AK9: variants seen among roughly 807,000 people sequenced by gnomAD.
The protein encoded by AK9 is adenylate kinase domain containing 1.
Under a neutral mutation model 239.6 loss-of-function variants are expected in AK9, and 191 were observed. The observed-to-expected ratio is 0.80, with a 90% CI of 0.71 to 0.90. The LOEUF (loss-of-function observed/expected upper bound fraction) is 0.90, where lower values mean the gene tolerates loss of function less well. Among genes scored for constraint, AK9 ranks in the 40% least tolerant of loss-of-function variants. The pLI, the probability that AK9 is intolerant of heterozygous loss-of-function variation, is 0.00. For synonymous variants in AK9, 689 were observed against 721.0 expected (o/e 0.96, Z 0.71); for missense variants, 1,995 against 2,214.7 (o/e 0.90, Z 1.99).
At chr6:109,592,446 C>CTTTTTTT (rs55998817) in intron 17 of AK9, among the ~76,000 whole-genome samples, 3 of 126,754 alleles carry the variant, frequency 2.4e-5, no homozygotes, top group East Asian at 2.3e-4. Context: ...AATGGGATTT[C>CTTTTTTT]TTTTTTTTTT....
chr6:109,595,856 T>TA (rs758944963), intron 17 of AK9, among the ~76,000 whole-genome samples: 49 of 152,112 alleles, frequency 3.2e-4, no homozygotes, highest in Non-Finnish European at 5.0e-4. Flanking sequence ...TGTCATTGGG[T>TA]AGGGGACTAC....
intron 17 of AK9, among the ~76,000 whole-genome samples, chr6:109,587,518 C>A (rs1001023592): frequency 1.3e-5 from 2 of 152,124 alleles, no homozygotes; most frequent in African/African-American, 2.4e-5. Flanking sequence ...CACTTCCCCA[C>A]CCCTCTGATA....
chr6:109,563,963 G>T, intron 23 of AK9, 117 bp downstream of exon 23: 1 of 1,141,628 alleles, frequency 8.8e-7, no homozygotes, highest in Non-Finnish European at 1.2e-6. Flanking sequence ...TTATACATCA[G>T]CCTTGGATAT....
intron 24 of AK9, among the ~76,000 whole-genome samples, chr6:109,552,137 G>T (rs141231766): frequency 6.6e-6 from 1 of 152,106 alleles, no homozygotes; most frequent in East Asian, 1.9e-4. Flanking sequence ...TGGGCATTTG[G>T]GTTGGTTCCA....
At chr6:109,685,968 T>A (rs762928030) in intron 1 of AK9, among the ~76,000 whole-genome samples, 2 of 152,236 alleles carry the variant, frequency 1.3e-5, no homozygotes, top group Non-Finnish European at 2.9e-5. Flanking sequence ...CAGTTGCAAC[T>A]GCTGTGCAGA....
chr6:109,575,224 G>C (rs1787911523), intron 20 of AK9, among the ~76,000 whole-genome samples: 1 of 152,154 alleles, frequency 6.6e-6, no homozygotes, highest in South Asian at 2.1e-4. Context: ...TCAAATGGCA[G>C]TTTTATTTTT....
intron 29 of AK9, among the ~76,000 whole-genome samples, chr6:109,519,386 T>A (rs1234551482): frequency 2.6e-5 from 4 of 152,190 alleles, no homozygotes; most frequent in African/African-American, 9.7e-5. Flanking sequence ...ATCTGAGAAA[T>A]CTTCAAACTG....
In AK9 at chr6:109,645,620, C is replaced by T. The variant is rs567354752; in HGVS notation, c.760-932G>A. Among the ~76,000 whole-genome samples the T allele has an allele frequency of 1.2e-4, 19 of 152,226 alleles. 1 individual carries two copies. The East Asian group carries it at 3.3e-3, about 26-fold the overall frequency. ...CTGCCTGCCTCTGTAGACTCCACCT[C>T]TGGGGGCAGGGCATAGCTGAACAAA... On this transcript the variant is annotated intron_variant, in intron 8 of 40. Coordinates refer to ENST00000424296, the MANE Select transcript of AK9 (RefSeq NM_001145128.3).
intron 1 of AK9, among the ~76,000 whole-genome samples, chr6:109,690,929 G>C (rs1193155582): frequency 2.6e-5 from 4 of 152,102 alleles, no homozygotes; most frequent in Non-Finnish European, 4.4e-5. Context: ...GGGGAAAACT[G>C]ACACTCAGTG....
At chr6:109,510,120 G>A (rs1349080979) in intron 32 of AK9, among the ~76,000 whole-genome samples, 1 of 151,992 alleles carries the variant, frequency 6.6e-6, no homozygotes, top group East Asian at 2.0e-4. Context: ...GAAGGCTGGG[G>A]GCTGGGATGC....
intron 2 of AK9, 67 bp downstream of exon 2, chr6:109,675,562 T>C (rs1161474900): frequency 2.9e-6 from 3 of 1,046,668 alleles, no homozygotes; most frequent in Non-Finnish European, 4.0e-6. Context: ...TATTTTTATA[T>C]GGTAACTTAG....
chr6:109,573,012 C>CA (rs1787619347), intron 21 of AK9, among the ~76,000 whole-genome samples: 1 of 152,022 alleles, frequency 6.6e-6, no homozygotes, highest in African/African-American at 2.4e-5. Context: ...TGGCATTGCA[C>CA]ACCATAAAGA....
intron 1 of AK9, among the ~76,000 whole-genome samples, chr6:109,676,051 C>T (rs1771711727): frequency 6.6e-6 from 1 of 151,864 alleles, no homozygotes; most frequent in Non-Finnish European, 1.5e-5. Flanking sequence ...ATATTAAAAA[C>T]CAAATTAAAG....
chr6:109,512,807 A>G (rs1192896864), intron 32 of AK9, among the ~76,000 whole-genome samples: 1 of 152,250 alleles, frequency 6.6e-6, no homozygotes. Flanking sequence ...TACACAAAAC[A>G]TTACAGGAAT....
intron 17 of AK9, among the ~76,000 whole-genome samples, chr6:109,589,085 TCAC>T (rs1214517350): frequency 1.3e-5 from 2 of 152,224 alleles, no homozygotes; most frequent in African/African-American, 4.8e-5. Flanking sequence ...TGTACAAATT[TCAC>T]TATTATTTTT....
rs202013287 is a variant in AK9, at chr6:109,637,374, C to CT, written c.934-4052dup. 3.1e-3 allele frequency among the ~76,000 whole-genome samples: 470 copies of CT among 150,376 alleles called. 3 individuals are homozygous for CT. Among genetic ancestry groups the CT allele is most frequent in the African/African-American group, 0.011 (449 of 41,008 alleles). On this transcript the variant is annotated intron_variant, in intron 10 of 40. Transcript: ENST00000424296. ...TTACTCTATTGATTGATGTGTTTTC[C>CT]TTTTTTTTTGTAGAGATGGGGTTTT... is the stretch of plus-strand genomic sequence containing the variant.
rs1780908183 is a variant in AK9 at position 109,529,086 on chromosome 6, G to A, written c.3571-13C>T. The A allele has an allele frequency of 1.9e-6, 3 of 1,546,192 alleles. No individual in the cohort carries two copies. Among genetic ancestry groups the A allele is most frequent in the Non-Finnish European group, 2.6e-6 (3 of 1,154,704 alleles). On this transcript the variant is annotated splice_polypyrimidine_tract_variant and intron_variant, in intron 28 of 40. Coordinates refer to ENST00000424296, the MANE Select transcript of AK9 (RefSeq NM_001145128.3). Reference sequence around the variant, plus strand: ...CAATCGTATCAACCTGTTAAAGAAAGAGACATTAAAAAATTGTAATGGAGA... The same window carrying A: ...CAATCGTATCAACCTGTTAAAGAAAAAGACATTAAAAAATTGTAATGGAGA...
At chr6:109,675,076 G>A (rs753551374) in intron 2 of AK9, among the ~76,000 whole-genome samples, 18 of 152,144 alleles carry the variant, frequency 1.2e-4, no homozygotes, top group Admixed American at 3.9e-4. Context: ...CTGAGGCATG[G>A]TGCCTCTCAG....
intron 24 of AK9, 85 bp downstream of exon 24, chr6:109,563,512 G>A: frequency 1.3e-6 from 2 of 1,489,666 alleles, no homozygotes; most frequent in South Asian, 1.3e-5. Context: ...GTTCACTTGG[G>A]GTCCAAAAGT....
Sources: gnomAD v4.1 joint callset for allele counts (sites outside exome capture counted in the v4.1 genomes callset) on GRCh38, gnomAD v4.1.1 for gene constraint, MANE v1.5 for transcripts, NCBI Gene and HGNC (gene_info 2026-07-23, HGNC 2026-07-21) for gene names.